Variants in RAP2A observed in about 807,000 individuals in gnomAD.
RAP2A encodes the protein ras-related protein Rap-2a.
RAP2A carries 5 observed loss-of-function variants against 15.1 expected under a neutral mutation model. The observed-to-expected ratio is 0.33, with a 90% CI of 0.17 to 0.70. The LOEUF (loss-of-function observed/expected upper bound fraction) is 0.70. Among genes scored for constraint, RAP2A ranks in the 30% least tolerant of loss-of-function variants. RAP2A has a pLI of 0.68. For missense variants in RAP2A, 111 were observed against 240.3 expected, an observed-to-expected ratio of 0.46 and a Z score of 3.56; for synonymous variants, 110 against 99.7, an observed-to-expected ratio of 1.10 and a Z score of -0.62.
Position 97,461,971 on chromosome 13 carries a change from AAT to A in RAP2A, c.315-2217_315-2216del, listed in dbSNP as rs889537682. On this transcript the variant is annotated intron_variant, in intron 1 of 1. Coordinates refer to ENST00000245304, the MANE Select transcript of RAP2A (RefSeq NM_021033.7). ...GAGCGAGACTCCGTCTCAAAAAAAA[AAT>A]ATATATATATATATATTTATATATT... is the stretch of plus-strand genomic sequence containing the variant. 1.1e-3 allele frequency among the ~76,000 whole-genome samples: 160 copies of A among 142,052 alleles called. 2 individuals carry two copies. The highest frequency in any genetic ancestry group is 3.6e-3 in the Middle Eastern group (1 of 276). The allele number at this position is 142,052 out of a possible 152,430, so 93.2% of individuals were successfully genotyped here.
intron 1 of RAP2A, among the ~76,000 whole-genome samples, chr13:97,460,000 G>C (rs531561524): frequency 6.6e-6 from 1 of 152,290 alleles, no homozygotes; most frequent in Non-Finnish European, 1.5e-5. Context: ...ACATCAGGCA[G>C]TTTTCAGTAT....
At position 97,434,746 on chromosome 13, in the gene RAP2A, C is replaced by T. The variant is rs977022038; in HGVS notation, c.276C>T (p.Asp92=). ...TCGTCAACCAGCAGAGCTTCCAGGACATCAAGCCCATGCGGGACCAGATCA... is the reference window on the plus strand; with the variant it reads ...TCGTCAACCAGCAGAGCTTCCAGGATATCAAGCCCATGCGGGACCAGATCA... ...YSLVNQQSFQ[D]IKPMRDQIIR... is the part of the protein sequence containing the mutation. The change falls in exon 1 of 2, where the codon GAC becomes GAT. Residue 92 remains aspartate, a synonymous_variant. Coordinates refer to ENST00000245304, the MANE Select transcript of RAP2A (RefSeq NM_021033.7). The T allele has an allele frequency of 6.2e-7, 1 of 1,614,156 alleles. No homozygotes were observed. The highest frequency in any genetic ancestry group is 8.5e-7 in the Non-Finnish European group (1 of 1,180,028).
At chr13:97,457,826 A>G (rs1449481119) in intron 1 of RAP2A, among the ~76,000 whole-genome samples, 1 of 152,130 alleles carries the variant, frequency 6.6e-6, no homozygotes, top group Admixed American at 6.5e-5. Context: ...CCTATTAAGT[A>G]TTGCCAGGTA....
In RAP2A at chr13:97,442,486, T is replaced by G. The variant is rs527320364; in HGVS notation, c.314+7702T>G. On this transcript the variant is annotated intron_variant, in intron 1 of 1. Transcript: ENST00000245304. The stretch of plus-strand genomic sequence containing the variant: ...ATCCACTCAGCAGGGGATTTCACAT[T>G]TTCTTAACCAGGGCCCTCAGTAAGA... Among the ~76,000 whole-genome samples the G allele has an allele frequency of 3.9e-5, 6 of 152,292 alleles. No individual in the cohort carries two copies. In the South Asian group the frequency reaches 1.2e-3, roughly 32 times the overall value.
At chr13:97,454,950 C>T (rs1248572116) in intron 1 of RAP2A, among the ~76,000 whole-genome samples, 1 of 151,220 alleles carries the variant, frequency 6.6e-6, no homozygotes, top group Non-Finnish European at 1.5e-5. Context: ...CTACTGTCTT[C>T]TGGCATCTGT....
chr13:97,464,588 A>C lies in RAP2A; in HGVS notation c.*146A>C, dbSNP rs2066762362. 1 of 751,894 alleles carries C rather than the reference A, an allele frequency of 1.3e-6. No homozygotes were observed. Among genetic ancestry groups the C allele is most frequent in the Non-Finnish European group, 2.2e-6 (1 of 455,770 alleles). The allele number at this position is 751,894 out of a possible 1,614,324, so 46.6% of individuals were successfully genotyped here. On this transcript the variant is annotated 3_prime_UTR_variant, in exon 2 of 2. Transcript: ENST00000245304. The stretch of plus-strand genomic sequence containing the variant: ...TATTCAGAATTGAGCAGTGATTGTC[A>C]GTTGATATCTCTGAGTAACATTTGG...
chr13:97,459,500 C>T (rs1346904949), intron 1 of RAP2A, among the ~76,000 whole-genome samples: 1 of 152,192 alleles, frequency 6.6e-6, no homozygotes. Context: ...ATGAGCATTT[C>T]CTCCACTGCC....
intron 1 of RAP2A, among the ~76,000 whole-genome samples, chr13:97,446,967 C>A (rs1938962894): frequency 6.6e-6 from 1 of 152,150 alleles, no homozygotes; most frequent in South Asian, 2.1e-4. Context: ...TAGTTTTATG[C>A]AGCAGTAGTT....
intron 1 of RAP2A, among the ~76,000 whole-genome samples, chr13:97,460,086 C>G (rs893707218): frequency 3.3e-5 from 5 of 152,192 alleles, no homozygotes; most frequent in African/African-American, 1.2e-4. Flanking sequence ...AATGGAACTG[C>G]CTAGGTCATG....
Position 97,434,708 on chromosome 13 carries a change from C to T in RAP2A, c.238C>T (p.Leu80Phe). Reference protein sequence around the residue: ...LYIKNGQGFILVYSLVNQQSF... With the variant: ...LYIKNGQGFIFVYSLVNQQSF... ...CATCAAGAACGGCCAGGGCTTCATCCTCGTCTACAGCCTCGTCAACCAGCA... is the reference window on the plus strand; with the variant it reads ...CATCAAGAACGGCCAGGGCTTCATCTTCGTCTACAGCCTCGTCAACCAGCA... Residue 80 changes from leucine (L) to phenylalanine (F), a missense_variant, in exon 1 of 2, where the codon CTC becomes TTC. Leu to Phe is a conservative substitution (Grantham distance 22, BLOSUM62 0). Transcript: ENST00000245304. 1 of 1,614,186 alleles carries T rather than the reference C, an allele frequency of 6.2e-7. No individual in the cohort carries two copies. The highest frequency in any genetic ancestry group is 1.1e-5 in the South Asian group (1 of 91,082).
chr13:97,444,554 C>T (rs1455488082), intron 1 of RAP2A, among the ~76,000 whole-genome samples: 1 of 152,082 alleles, frequency 6.6e-6, no homozygotes, highest in Non-Finnish European at 1.5e-5. Context: ...TCATTTAAGC[C>T]ACCTCATTTG....
chr13:97,452,160 A>G (rs2066704597), intron 1 of RAP2A, among the ~76,000 whole-genome samples: 1 of 151,058 alleles, frequency 6.6e-6, no homozygotes, highest in Non-Finnish European at 1.5e-5. Flanking sequence ...AATTCTTTTT[A>G]TGGTTAGTTC....
intron 1 of RAP2A, among the ~76,000 whole-genome samples, chr13:97,449,790 A>G (rs182734989): frequency 6.6e-6 from 1 of 152,146 alleles, no homozygotes; most frequent in Admixed American, 6.5e-5. Context: ...TTTAATAGGC[A>G]TCGCCAATAA....
chr13:97,443,635 G>A (rs897779130), intron 1 of RAP2A, among the ~76,000 whole-genome samples: 4 of 152,144 alleles, frequency 2.6e-5, no homozygotes, highest in African/African-American at 4.8e-5. Context: ...CAAGTGTTCC[G>A]ACTACCTCAA....
In RAP2A at chr13:97,467,406, T is replaced by C. The variant is rs2139045254; in HGVS notation, c.*2964T>C. ...TTGACTCAAATTGCTACAGTTGCCA[T>C]CACCTTTCTGTGGTAATACTACTGA... On this transcript the variant is annotated 3_prime_UTR_variant, in exon 2 of 2. Coordinates refer to ENST00000245304, the MANE Select transcript of RAP2A (RefSeq NM_021033.7). 6.5e-6 allele frequency: 1 copy of C among 152,724 alleles called. No homozygotes were observed. Among genetic ancestry groups the C allele is most frequent in the African/African-American group, 2.4e-5 (1 of 41,588 alleles). 9.5% of individuals were successfully genotyped at this position (152,724 alleles called of 1,614,324 possible).
chr13:97,453,862 C>G (rs1464224456), intron 1 of RAP2A, among the ~76,000 whole-genome samples: 1 of 150,914 alleles, frequency 6.6e-6, no homozygotes, highest in Non-Finnish European at 1.5e-5. Context: ...TTAGTGTTGT[C>G]ACTATTTTTT....
intron 1 of RAP2A, chr13:97,437,270 G>C (rs2066638068): frequency 6.6e-6 from 1 of 152,040 alleles, no homozygotes; most frequent in South Asian, 2.1e-4. Context: ...GTATGTGTTT[G>C]ACCTACCACA....
At chr13:97,435,932 GA>G (rs2066632296) in intron 1 of RAP2A, 1 of 152,148 alleles carries the variant, frequency 6.6e-6, no homozygotes, top group Admixed American at 6.5e-5. Flanking sequence ...AAGTCAGTTT[GA>G]GTCCACTCAT....
chr13:97,461,279 G>C (rs1438788171), intron 1 of RAP2A, among the ~76,000 whole-genome samples: 1 of 152,044 alleles, frequency 6.6e-6, no homozygotes, highest in Non-Finnish European at 1.5e-5. Flanking sequence ...ATCACCGTCT[G>C]GTATTCTGAA....
Sources: allele counts gnomAD v4.1 joint callset (sites outside exome capture counted in the v4.1 genomes callset), GRCh38; gene constraint gnomAD v4.1.1; transcripts MANE v1.5; gene names NCBI Gene and HGNC (gene_info 2026-07-23, HGNC 2026-07-21).